The following CTNND2 variants were observed in gnomAD, a reference collection of about 807,000 sequenced individuals.
CTNND2 encodes catenin delta-2.
Under a neutral mutation model 144.4 loss-of-function variants are expected in CTNND2, and 22 were observed. The observed-to-expected ratio is 0.15, with a 90% CI of 0.11 to 0.22. CTNND2 has a LOEUF of 0.22. CTNND2 is among the 10% of genes least tolerant of loss of function. CTNND2 has a pLI of 1.00. For missense variants in CTNND2, 1,353 were observed against 1,618.8 expected (o/e 0.84, Z 2.82); for synonymous variants, 751 against 695.6 (o/e 1.08, Z -1.25).
At chr5:11,790,194 A>G (rs1791060054) in intron 1 of CTNND2, among the ~76,000 whole-genome samples, 1 of 152,214 alleles carries the variant, frequency 6.6e-6, no homozygotes, top group African/African-American at 2.4e-5. Context: ...TTATCTAAAA[A>G]TTAAATTTCT....
At chr5:11,666,819 T>C (rs1253964552) in intron 2 of CTNND2, among the ~76,000 whole-genome samples, 1 of 152,178 alleles carries the variant, frequency 6.6e-6, no homozygotes, top group East Asian at 1.9e-4. Context: ...GTGCAGAATG[T>C]ACAGGTTTGT....
chr5:11,562,736 A>C (rs1776777314), intron 3 of CTNND2, among the ~76,000 whole-genome samples: 1 of 152,384 alleles, frequency 6.6e-6, no homozygotes, highest in South Asian at 2.1e-4. Flanking sequence ...TTTTCTGTCT[A>C]CCTTGGAATT....
At chr5:11,808,712 G>A (rs929812598) in intron 1 of CTNND2, among the ~76,000 whole-genome samples, 1 of 152,144 alleles carries the variant, frequency 6.6e-6, no homozygotes, top group Non-Finnish European at 1.5e-5. Context: ...ATTCACTAGA[G>A]ACAGCAATGC....
chr5:11,416,220 G>T (rs1761925700), intron 3 of CTNND2, among the ~76,000 whole-genome samples: 1 of 152,084 alleles, frequency 6.6e-6, no homozygotes, highest in Admixed American at 6.6e-5. Context: ...CATGCTATTA[G>T]ATATTTATTT....
At chr5:11,250,994 A>C (rs1743584937) in intron 9 of CTNND2, among the ~76,000 whole-genome samples, 1 of 152,218 alleles carries the variant, frequency 6.6e-6, no homozygotes, top group Non-Finnish European at 1.5e-5. Flanking sequence ...AGCATTTTAA[A>C]AGGTCTATTT....
Position 11,263,837 on chromosome 5 carries a change from T to C in CTNND2, c.1629-27014A>G, listed in dbSNP as rs906484689. Among the ~76,000 whole-genome samples the C allele has an allele frequency of 5.3e-5, 8 of 152,320 alleles. No homozygotes were observed. In the East Asian group the frequency reaches 7.7e-4, roughly 15 times the overall value. On this transcript the variant is annotated intron_variant, in intron 9 of 21. Transcript: ENST00000304623. ...CTCTAAACACACTCCAGTTTGTGCA[T>C]GTGTCTGTTTCTGGAACTGCCAATA...
chr5:11,433,535 G>T (rs546797445), intron 3 of CTNND2, among the ~76,000 whole-genome samples: 2 of 152,184 alleles, frequency 1.3e-5, no homozygotes, highest in Non-Finnish European at 2.9e-5. Context: ...AAGCATGGTG[G>T]TGTCTGCTTC....
At chr5:11,649,581 C>A (rs924532569) in intron 2 of CTNND2, among the ~76,000 whole-genome samples, 4 of 152,118 alleles carry the variant, frequency 2.6e-5, no homozygotes, top group Non-Finnish European at 5.9e-5. Flanking sequence ...TCCCAAAGTG[C>A]AGAGATTACA....
At chr5:11,019,580 C>T (rs1406574970) in intron 17 of CTNND2, among the ~76,000 whole-genome samples, 2 of 152,216 alleles carry the variant, frequency 1.3e-5, no homozygotes, top group East Asian at 3.8e-4. Context: ...CAGTGTTATA[C>T]TAACATGTGA....
At chr5:11,289,470 T>C (rs1339822615) in intron 9 of CTNND2, among the ~76,000 whole-genome samples, 1 of 152,218 alleles carries the variant, frequency 6.6e-6, no homozygotes, top group Non-Finnish European at 1.5e-5. Context: ...CTGGGAAAGT[T>C]ATTCTTAGTA....
intron 1 of CTNND2, among the ~76,000 whole-genome samples, chr5:11,817,543 G>A (rs931564089): frequency 4.0e-5 from 6 of 151,710 alleles, no homozygotes; most frequent in Admixed American, 6.6e-5. Flanking sequence ...TCAGGCCAAC[G>A]GGAGGGAAGG....
At chr5:11,327,051 A>G (rs1282653819) in intron 9 of CTNND2, among the ~76,000 whole-genome samples, 1 of 152,192 alleles carries the variant, frequency 6.6e-6, no homozygotes, top group East Asian at 1.9e-4. Flanking sequence ...TTCCTTGATG[A>G]CAACCACACA....
At chr5:11,866,766 C>A (rs567987636) in intron 1 of CTNND2, among the ~76,000 whole-genome samples, 1 of 152,320 alleles carries the variant, frequency 6.6e-6, no homozygotes, top group East Asian at 1.9e-4. Context: ...TGCAAAATAA[C>A]GCACAGGGAG....
intron 3 of CTNND2, among the ~76,000 whole-genome samples, chr5:11,462,289 G>A (rs1444055482): frequency 2.6e-5 from 4 of 152,250 alleles, no homozygotes; most frequent in African/African-American, 9.6e-5. Flanking sequence ...ATGACCTCGT[G>A]GGCATAGGAC....
chr5:11,306,449 C>A (rs1222245277), intron 9 of CTNND2, among the ~76,000 whole-genome samples: 1 of 152,162 alleles, frequency 6.6e-6, no homozygotes, highest in Non-Finnish European at 1.5e-5. Flanking sequence ...GGAAAACAGG[C>A]TCCAGGAGCT....
At chr5:11,464,496 G>A (rs1432992074) in intron 3 of CTNND2, among the ~76,000 whole-genome samples, 2 of 152,114 alleles carry the variant, frequency 1.3e-5, no homozygotes, top group Admixed American at 6.5e-5. Flanking sequence ...GGGGCAACAG[G>A]GCTCCAGACA....
At chr5:11,674,187 C>T (rs550198356) in intron 2 of CTNND2, among the ~76,000 whole-genome samples, 3 of 152,132 alleles carry the variant, frequency 2.0e-5, no homozygotes, top group Non-Finnish European at 4.4e-5. Flanking sequence ...TAAAGTGAAA[C>T]CATATCTACA....
chr5:11,064,886 AGTG>A (rs1323928955), intron 16 of CTNND2, among the ~76,000 whole-genome samples: 1 of 152,156 alleles, frequency 6.6e-6, no homozygotes, highest in African/African-American at 2.4e-5. Flanking sequence ...GATTTTAGGC[AGTG>A]GTGATTTGTT....
intron 6 of CTNND2, among the ~76,000 whole-genome samples, chr5:11,395,812 A>C (rs948954108): frequency 2.0e-5 from 3 of 152,262 alleles, no homozygotes; most frequent in African/African-American, 7.2e-5. Flanking sequence ...AAAAACTTCC[A>C]GCTCCTGCTT....
Sources: allele counts gnomAD v4.1 joint callset (sites outside exome capture counted in the v4.1 genomes callset), GRCh38; gene constraint gnomAD v4.1.1; transcripts MANE v1.5; gene names NCBI Gene and HGNC (gene_info 2026-07-23, HGNC 2026-07-21).